Variants in PRKCA observed in about 807,000 individuals in gnomAD.
PRKCA encodes protein kinase C alpha type.
A neutral mutation model predicts 87.0 loss-of-function variants in PRKCA; 27 were observed. The observed-to-expected ratio is 0.31, with a 90% CI of 0.23 to 0.43. The LOEUF is 0.43. PRKCA is among the 20% of genes least tolerant of loss of function. The pLI is 1.00. For missense variants in PRKCA, 518 were observed against 852.3 expected, an observed-to-expected ratio of 0.61 and a Z score of 4.88; for synonymous variants, 329 against 311.1, an observed-to-expected ratio of 1.06 and a Z score of -0.61.
chr17:66,403,228 C>T (rs1911142533), intron 2 of PRKCA, among the ~76,000 whole-genome samples: 1 of 152,188 alleles, frequency 6.6e-6, no homozygotes, highest in African/African-American at 2.4e-5. Context: ...TTTAATATTA[C>T]ATGTTTTAAA....
intron 2 of PRKCA, among the ~76,000 whole-genome samples, chr17:66,383,288 A>G (rs894210667): frequency 6.6e-6 from 1 of 152,146 alleles, no homozygotes; most frequent in Non-Finnish European, 1.5e-5. Flanking sequence ...GATGTTTCCA[A>G]GTTGCTTTCC....
chr17:66,784,973 C>T (rs1430651683), intron 14 of PRKCA, among the ~76,000 whole-genome samples: 1 of 152,252 alleles, frequency 6.6e-6, no homozygotes, highest in Non-Finnish European at 1.5e-5. Flanking sequence ...CACAGGCAGG[C>T]TCATTTTAGC....
intron 5 of PRKCA, among the ~76,000 whole-genome samples, chr17:66,656,205 T>C (rs962479278): frequency 6.6e-6 from 1 of 152,204 alleles, no homozygotes; most frequent in African/African-American, 2.4e-5. Flanking sequence ...GTATCCATGC[T>C]CATGGTGACA....
At chr17:66,387,166 A>G (rs181435951) in intron 2 of PRKCA, among the ~76,000 whole-genome samples, 21 of 152,378 alleles carry the variant, frequency 1.4e-4, no homozygotes, top group African/African-American at 4.6e-4. Flanking sequence ...AAACATTCCT[A>G]GATTAATGTT....
intron 5 of PRKCA, among the ~76,000 whole-genome samples, chr17:66,672,581 TG>T (rs1458837399): frequency 3.3e-5 from 5 of 152,224 alleles, no homozygotes; most frequent in Non-Finnish European, 2.9e-5. Flanking sequence ...ACACAGGGTA[TG>T]ATCAGACTTG....
At chr17:66,587,891 G>GTATATATATATA (rs1406148799) in intron 3 of PRKCA, among the ~76,000 whole-genome samples, 5 of 87,132 alleles carry the variant, frequency 5.7e-5, no homozygotes, top group Non-Finnish European at 8.7e-5. Flanking sequence ...GTGTGTGTGT[G>GTATATATATATA]TGTGTATATA....
At chr17:66,393,240 G>A (rs1160471500) in intron 2 of PRKCA, among the ~76,000 whole-genome samples, 1 of 152,108 alleles carries the variant, frequency 6.6e-6, no homozygotes, top group Non-Finnish European at 1.5e-5. Context: ...GGTTAGTTCA[G>A]CGTTCTAACA....
rs113356204 is a variant in PRKCA, at chr17:66,596,282, G to C, written c.289-45073G>C. 2.1e-4 allele frequency among the ~76,000 whole-genome samples: 32 copies of C among 152,282 alleles called. 1 individual carries two copies. Among genetic ancestry groups the C allele is most frequent in the Admixed American group, 9.2e-4 (14 of 15,288 alleles). ...TGTGGTTCCTTGGAGCCCAATAAAA[G>C]CAAGATAAGAAAAAGCAAGCAAGAA... On this transcript the variant is annotated intron_variant, in intron 3 of 16. Coordinates refer to ENST00000413366, the MANE Select transcript of PRKCA (RefSeq NM_002737.3).
At chr17:66,732,117 GAA>G (rs145066046) in intron 8 of PRKCA, among the ~76,000 whole-genome samples, 1 of 125,134 alleles carries the variant, frequency 8.0e-6, no homozygotes, top group East Asian at 2.3e-4. Flanking sequence ...TGATTTAAAA[GAA>G]AAAAAAAATC....
intron 5 of PRKCA, among the ~76,000 whole-genome samples, chr17:66,672,668 A>G (rs1713467226): frequency 6.6e-6 from 1 of 152,230 alleles, no homozygotes; most frequent in Non-Finnish European, 1.5e-5. Flanking sequence ...ATCAGTTGCT[A>G]TGTTATTTGT....
At chr17:66,319,040 G>A (rs1278187003) in intron 2 of PRKCA, among the ~76,000 whole-genome samples, 1 of 152,058 alleles carries the variant, frequency 6.6e-6, no homozygotes, top group Non-Finnish European at 1.5e-5. Flanking sequence ...GAAGTGGGAA[G>A]ATTGCTTGAG....
chr17:66,384,052 T>G (rs1289612653), intron 2 of PRKCA, among the ~76,000 whole-genome samples: 3 of 152,206 alleles, frequency 2.0e-5, no homozygotes, highest in Non-Finnish European at 2.9e-5. Flanking sequence ...TATGAGTTAT[T>G]TGTGTATTTA....
At chr17:66,564,144 T>C (rs1365998415) in intron 3 of PRKCA, among the ~76,000 whole-genome samples, 1 of 152,054 alleles carries the variant, frequency 6.6e-6, no homozygotes, top group Non-Finnish European at 1.5e-5. Context: ...AGTGGGGCCA[T>C]CTCGGCTCTG....
intron 8 of PRKCA, among the ~76,000 whole-genome samples, chr17:66,727,492 G>C (rs953738257): frequency 2.0e-5 from 3 of 152,276 alleles, no homozygotes; most frequent in Admixed American, 6.5e-5. Flanking sequence ...GGTGAAACTG[G>C]GTCAAATCCA....
At chr17:66,459,703 C>A (rs956459887) in intron 2 of PRKCA, among the ~76,000 whole-genome samples, 2 of 152,148 alleles carry the variant, frequency 1.3e-5, no homozygotes, top group Non-Finnish European at 2.9e-5. Context: ...TTTATCGTTA[C>A]TGTGTTTATA....
At chr17:66,702,761 A>C (rs1187890127) in intron 8 of PRKCA, among the ~76,000 whole-genome samples, 1 of 152,184 alleles carries the variant, frequency 6.6e-6, no homozygotes, top group Non-Finnish European at 1.5e-5. Context: ...AAGAGATTTC[A>C]TCATGCAAAC....
At chr17:66,793,374 G>C (rs896471105) in intron 16 of PRKCA, among the ~76,000 whole-genome samples, 12 of 152,086 alleles carry the variant, frequency 7.9e-5, no homozygotes, top group African/African-American at 2.9e-4. Context: ...TGGATCTCCT[G>C]AGGTCAGGAG....
chr17:66,443,018 C>T (rs2143884582), intron 2 of PRKCA, among the ~76,000 whole-genome samples: 1 of 152,312 alleles, frequency 6.6e-6, no homozygotes, highest in East Asian at 1.9e-4. Flanking sequence ...TGGTTATCAT[C>T]TGACGTTTGT....
Position 66,695,648 on chromosome 17 carries a change from C to T in PRKCA, c.918+6601C>T, listed in dbSNP as rs1972899369. On this transcript the variant is annotated intron_variant, in intron 8 of 16. Coordinates refer to ENST00000413366, the MANE Select transcript of PRKCA (RefSeq NM_002737.3). ...AAAAGCGCCTTGGCCTTTTCCTCCTCTTACTGTAACCGTAACTTTTGCTGC... is the reference window on the plus strand; with the variant it reads ...AAAAGCGCCTTGGCCTTTTCCTCCTTTTACTGTAACCGTAACTTTTGCTGC... 2.0e-5 allele frequency among the ~76,000 whole-genome samples: 3 copies of T among 152,212 alleles called. No individual in the cohort carries two copies. The South Asian group carries it at 6.2e-4, about 32-fold the overall frequency.
Sources: gnomAD v4.1 joint callset for allele counts (sites outside exome capture counted in the v4.1 genomes callset) on GRCh38, gnomAD v4.1.1 for gene constraint, MANE v1.5 for transcripts, NCBI Gene and HGNC (gene_info 2026-07-23, HGNC 2026-07-21) for gene names.